ATOSA: variants seen among roughly 807,000 people sequenced by gnomAD.
The protein encoded by ATOSA is atos homolog A, also known as atos homolog protein A.
chr15:52,599,430 A>G, the ATOSA span, among the ~76,000 whole-genome samples: 7 of 152,236 alleles, frequency 4.6e-5, no homozygotes, highest in Non-Finnish European at 1.5e-5. Context: ...AAATAGTTAT[A>G]AAGCAAATGG....
the ATOSA span, among the ~76,000 whole-genome samples, chr15:52,615,241 C>T: frequency 7.9e-5 from 12 of 152,074 alleles, no homozygotes; most frequent in Non-Finnish European, 1.5e-4. Context: ...ATTTTTTTCA[C>T]GTAGTTATGG....
the ATOSA span, chr15:52,651,725 G>T: frequency 1.3e-6 from 1 of 783,376 alleles, no homozygotes; most frequent in Non-Finnish European, 2.0e-6. Context: ...AATTCTCTAA[G>T]TTCAATGGTT....
At chr15:52,644,699 T>G in the ATOSA span, among the ~76,000 whole-genome samples, 5 of 152,226 alleles carry the variant, frequency 3.3e-5, no homozygotes, top group Non-Finnish European at 7.3e-5. Flanking sequence ...CAATTGTTTT[T>G]CTATATTATC....
At chr15:52,632,327 A>C in the ATOSA span, among the ~76,000 whole-genome samples, 81 of 152,320 alleles carry the variant, frequency 5.3e-4, no homozygotes, top group African/African-American at 1.9e-3. Flanking sequence ...TGGTTTAAAT[A>C]AATAATACCA....
At chr15:52,632,417 CT>C in the ATOSA span, among the ~76,000 whole-genome samples, 3 of 152,080 alleles carry the variant, frequency 2.0e-5, no homozygotes, top group Non-Finnish European at 4.4e-5. Context: ...AAATCTGATA[CT>C]TTTCTATGGA....
At chr15:52,687,951 G>A in the ATOSA span, among the ~76,000 whole-genome samples, 1 of 152,170 alleles carries the variant, frequency 6.6e-6, no homozygotes, top group East Asian at 1.9e-4. Context: ...TATTTCCTCT[G>A]TTGTTGTCTC....
the ATOSA span, among the ~76,000 whole-genome samples, chr15:52,702,761 TG>T: frequency 7.2e-5 from 7 of 97,538 alleles, no homozygotes; most frequent in African/African-American, 3.0e-4. Context: ...GTCTAAAAGT[TG>T]AAAAAAAAAG....
the ATOSA span, among the ~76,000 whole-genome samples, chr15:52,605,430 G>T: frequency 6.6e-6 from 1 of 151,994 alleles, no homozygotes; most frequent in East Asian, 1.9e-4. Context: ...TAGAAGTTTG[G>T]ATTTTTTTTC....
chr15:52,631,619 T>C, the ATOSA span, among the ~76,000 whole-genome samples: 1 of 152,212 alleles, frequency 6.6e-6, no homozygotes, highest in Non-Finnish European at 1.5e-5. Flanking sequence ...GAATGCATTT[T>C]ACATTTTTTA....
At chr15:52,659,941 T>C in the ATOSA span, among the ~76,000 whole-genome samples, 9 of 152,084 alleles carry the variant, frequency 5.9e-5, no homozygotes, top group East Asian at 3.8e-4. Flanking sequence ...TGAAATAGGA[T>C]TGGACACAGG....
At chr15:52,697,761 A>G in the ATOSA span, among the ~76,000 whole-genome samples, 23 of 152,080 alleles carry the variant, frequency 1.5e-4, no homozygotes, top group East Asian at 4.4e-3. Flanking sequence ...GCCCAATAAA[A>G]AATTGGGCAA....
the ATOSA span, among the ~76,000 whole-genome samples, chr15:52,660,775 C>T: frequency 6.6e-6 from 1 of 152,144 alleles, no homozygotes; most frequent in Non-Finnish European, 1.5e-5. Context: ...CCTCAGCCTC[C>T]TGAGGAGCTG....
the ATOSA span, among the ~76,000 whole-genome samples, chr15:52,628,245 A>G: frequency 6.6e-6 from 1 of 152,214 alleles, no homozygotes; most frequent in African/African-American, 2.4e-5. Context: ...ATGATTTTAG[A>G]TATTTTAAGA....
chr15:52,682,220 ATATT>A, the ATOSA span, among the ~76,000 whole-genome samples: 1 of 152,180 alleles, frequency 6.6e-6, no homozygotes, highest in African/African-American at 2.4e-5. Flanking sequence ...GGCAATGTAT[ATATT>A]ATATGTTGTC....
the ATOSA span, chr15:52,610,473 C>T: frequency 7.2e-7 from 1 of 1,385,126 alleles, no homozygotes; most frequent in Non-Finnish European, 9.7e-7. Flanking sequence ...AGCAGTCATA[C>T]ACTTATTTTT....
the ATOSA span, among the ~76,000 whole-genome samples, chr15:52,689,823 G>A: frequency 6.6e-6 from 1 of 152,232 alleles, no homozygotes; most frequent in East Asian, 1.9e-4. Flanking sequence ...TGCAGAGTTA[G>A]TAGCAGCTGG....
chr15:52,643,344 T>A, the ATOSA span, among the ~76,000 whole-genome samples: 1 of 152,020 alleles, frequency 6.6e-6, no homozygotes, highest in Non-Finnish European at 1.5e-5. Context: ...CAGGCTGGAG[T>A]ACAGTGGCAC....
the ATOSA span, chr15:52,581,971 A>T: frequency 2.0e-6 from 1 of 500,150 alleles, no homozygotes; most frequent in Non-Finnish European, 3.4e-6. Flanking sequence ...GGATTAGGAC[A>T]TGAGTTTTTC....
the ATOSA span, among the ~76,000 whole-genome samples, chr15:52,674,831 G>A: frequency 1.3e-5 from 2 of 150,590 alleles, no homozygotes; most frequent in Non-Finnish European, 1.5e-5. Flanking sequence ...TATATAACCA[G>A]TATATAAGCA....
Sources: gnomAD v4.1 joint callset for allele counts (sites outside exome capture counted in the v4.1 genomes callset) on GRCh38, gnomAD v4.1.1 for gene constraint, MANE v1.5 for transcripts, NCBI Gene and HGNC (gene_info 2026-07-23, HGNC 2026-07-21) for gene names.